The following SLC41A2 variants were observed in gnomAD, a reference collection of about 807,000 sequenced individuals.
The protein encoded by SLC41A2 is solute carrier family 41 member 2.
Under a neutral mutation model 58.3 loss-of-function variants are expected in SLC41A2, and 32 were observed. That is an observed-to-expected ratio of 0.55 (90% CI 0.41 to 0.74). SLC41A2 has a LOEUF of 0.74. SLC41A2 is among the 30% of genes least tolerant of loss of function. SLC41A2 has a pLI of 0.00. For synonymous variants in SLC41A2, 190 were observed against 235.0 expected (o/e 0.81, Z 1.75); for missense variants, 514 against 680.6 (o/e 0.76, Z 2.72).
chr12:104,852,058 G>C (rs539056913), intron 8 of SLC41A2: 1 of 152,158 alleles, frequency 6.6e-6, no homozygotes, highest in African/African-American at 2.4e-5. Flanking sequence ...AATTGAAAGC[G>C]GCAAGAGTAT....
chr12:104,816,197 T>C (rs1420374835), intron 10 of SLC41A2, among the ~76,000 whole-genome samples: 1 of 151,920 alleles, frequency 6.6e-6, no homozygotes, highest in Admixed American at 6.6e-5. Context: ...TGTTTCTACT[T>C]GTAGATACGA....
At chr12:104,878,299 T>TATATATATATATA (rs2044157733) in intron 6 of SLC41A2, among the ~76,000 whole-genome samples, 1 of 139,920 alleles carries the variant, frequency 7.1e-6, no homozygotes, top group East Asian at 2.3e-4. Context: ...TACCTGTATT[T>TATATATATATATA]TATATATATA....
At position 104,928,092 on chromosome 12, in the gene SLC41A2, CT is replaced by C. The variant is rs1565908266; in HGVS notation, c.435del (p.Glu146LysfsTer2). ...ISSDGDEDAI[V>X]EVTPKLPKES... ...TCCTTTGGTAATTTTGGGGTCACTT[CT>C]ACAATAGCATCTTCATCACCATCAC... is the stretch of plus-strand genomic sequence containing the variant. On this transcript the variant is annotated frameshift_variant, in exon 2 of 11. Transcript: ENST00000258538. LOFTEE classifies it high-confidence loss of function. The C allele has an allele frequency of 3.7e-6, 6 of 1,614,192 alleles. No homozygotes were observed. The highest frequency in any genetic ancestry group is 5.1e-6 in the Non-Finnish European group (6 of 1,180,028).
At chr12:104,912,757 A>G (rs1424704906) in intron 2 of SLC41A2, among the ~76,000 whole-genome samples, 1 of 152,192 alleles carries the variant, frequency 6.6e-6, no homozygotes, top group Non-Finnish European at 1.5e-5. Flanking sequence ...CAGGACTTGC[A>G]TCTGGTATCT....
chr12:104,871,225 T>C (rs1398811494), intron 6 of SLC41A2, among the ~76,000 whole-genome samples: 1 of 152,172 alleles, frequency 6.6e-6, no homozygotes, highest in African/African-American at 2.4e-5. Context: ...TTTTTTCAAA[T>C]CAATAAATAT....
chr12:104,887,897 A>T (rs1406288113), intron 5 of SLC41A2, among the ~76,000 whole-genome samples: 3 of 152,070 alleles, frequency 2.0e-5, no homozygotes, highest in Non-Finnish European at 4.4e-5. Flanking sequence ...AAGTTATCAT[A>T]AAATTAGAAC....
chr12:104,853,467 T>C (rs2042875136), intron 8 of SLC41A2, among the ~76,000 whole-genome samples: 1 of 152,120 alleles, frequency 6.6e-6, no homozygotes, highest in African/African-American at 2.4e-5. Flanking sequence ...TTTCAAGAAA[T>C]GCAAAAAGAT....
intron 5 of SLC41A2, among the ~76,000 whole-genome samples, chr12:104,887,611 A>G (rs2135656801): frequency 6.6e-6 from 1 of 152,168 alleles, no homozygotes; most frequent in Middle Eastern, 3.4e-3. Context: ...GCAAGATGTA[A>G]TCGCTTAGAA....
At chr12:104,942,584 G>A (rs1325579057) in intron 1 of SLC41A2, among the ~76,000 whole-genome samples, 2 of 151,928 alleles carry the variant, frequency 1.3e-5, no homozygotes, top group Admixed American at 6.6e-5. Context: ...TCACAGGAAC[G>A]TTTATTTAGA....
At chr12:104,932,624 CAAAAAAAA>C in intron 1 of SLC41A2, among the ~76,000 whole-genome samples, 1 of 46,070 alleles carries the variant, frequency 2.2e-5, no homozygotes, top group South Asian at 8.0e-4. Flanking sequence ...GACTTTGTCT[CAAAAAAAA>C]AAAAAAAAAA....
chr12:104,867,351 T>C (rs2043518199), intron 6 of SLC41A2, among the ~76,000 whole-genome samples: 1 of 152,102 alleles, frequency 6.6e-6, no homozygotes, highest in African/African-American at 2.4e-5. Context: ...TATTCCTGGC[T>C]TCTTCTCCAT....
intron 3 of SLC41A2, among the ~76,000 whole-genome samples, chr12:104,901,377 A>G (rs1268512171): frequency 6.6e-6 from 1 of 152,128 alleles, no homozygotes; most frequent in African/African-American, 2.4e-5. Context: ...AATATCTACT[A>G]TAATTTCATA....
At chr12:104,832,518 C>T (rs1006068542) in intron 10 of SLC41A2, among the ~76,000 whole-genome samples, 8 of 152,092 alleles carry the variant, frequency 5.3e-5, no homozygotes, top group African/African-American at 1.7e-4. Flanking sequence ...TCAAAATTGT[C>T]CATGAAGATT....
chr12:104,844,702 T>C, intron 9 of SLC41A2, 82 bp from the exon 10 acceptor site: 1 of 654,780 alleles, frequency 1.5e-6, no homozygotes, highest in Non-Finnish European at 2.3e-6. Context: ...ATTTGAGGAT[T>C]ACTTTCTAGT....
chr12:104,955,637 T>A (rs2048135225), intron 1 of SLC41A2, among the ~76,000 whole-genome samples: 2 of 139,968 alleles, frequency 1.4e-5, no homozygotes, highest in Admixed American at 1.4e-4. Flanking sequence ...TGAATAGACT[T>A]TTTTTTACCA....
intron 1 of SLC41A2, among the ~76,000 whole-genome samples, chr12:104,944,870 T>TAAAAA (rs60609201): frequency 7.3e-5 from 10 of 136,128 alleles, no homozygotes; most frequent in African/African-American, 2.4e-4. Flanking sequence ...GTATTCAATG[T>TAAAAA]AAAAAAAAAA....
chr12:104,842,185 T>A (rs1394579306), intron 10 of SLC41A2, among the ~76,000 whole-genome samples: 1 of 152,046 alleles, frequency 6.6e-6, no homozygotes, highest in Admixed American at 6.6e-5. Flanking sequence ...TGAAGCCAGG[T>A]GGGGAAGGTC....
chr12:104,956,024 T>C (rs915762318), intron 1 of SLC41A2, among the ~76,000 whole-genome samples: 13 of 152,236 alleles, frequency 8.5e-5, no homozygotes, highest in Non-Finnish European at 1.8e-4. Flanking sequence ...GTTAGTTTGT[T>C]CAGCTGGCCA....
chr12:104,917,683 G>A (rs180894902), intron 2 of SLC41A2, among the ~76,000 whole-genome samples: 2,872 of 151,744 alleles, frequency 0.019, 32 homozygotes, highest in African/African-American at 0.036. Flanking sequence ...TAGGGACATG[G>A]ATGAAACTGG....
Sources: gnomAD v4.1 joint callset for allele counts (sites outside exome capture counted in the v4.1 genomes callset) on GRCh38, gnomAD v4.1.1 for gene constraint, MANE v1.5 for transcripts, NCBI Gene and HGNC (gene_info 2026-07-23, HGNC 2026-07-21) for gene names.